The following RORA variants were observed in gnomAD, a reference collection of about 807,000 sequenced individuals.
RORA encodes the protein nuclear receptor ROR-alpha.
RORA carries 7 observed loss-of-function variants against 69.5 expected under a neutral mutation model. The ratio of observed to expected loss-of-function variants is 0.10; its 90% CI spans 0.06 to 0.19. The LOEUF is 0.19. Ranked by LOEUF, RORA falls within the 10% of genes least tolerant of loss-of-function variation. The pLI, the probability that RORA is intolerant of heterozygous loss-of-function variation, is 1.00. For missense variants in RORA, 457 were observed against 663.0 expected (o/e 0.69, Z 3.41); for synonymous variants, 261 against 240.8 (o/e 1.08, Z -0.78).
intron 1 of RORA, among the ~76,000 whole-genome samples, chr15:60,796,920 T>C (rs1352650108): frequency 1.3e-5 from 2 of 151,512 alleles, no homozygotes; most frequent in African/African-American, 4.8e-5. Flanking sequence ...TTATGCTCAG[T>C]GAAAGAAGCC....
At position 60,493,860 on chromosome 15, in the gene RORA, T is replaced by G. The variant is rs1022093206; in HGVS notation, c.*3595A>C. On this transcript the variant is annotated 3_prime_UTR_variant, in exon 11 of 11. Coordinates refer to ENST00000335670, the MANE Select transcript of RORA (RefSeq NM_134261.3). ...TCTTTTTTTCCCCATCTTCTAGTTT[T>G]GATTTAAGTATTTTGAATACATTTT... The G allele has an allele frequency of 6.6e-6, 1 of 152,098 alleles. No individual in the cohort carries two copies. The highest frequency in any genetic ancestry group is 6.6e-5 in the Admixed American group (1 of 15,250). The allele number at this position is 152,098 out of a possible 1,614,324, so 9.4% of individuals were successfully genotyped here.
intron 1 of RORA, among the ~76,000 whole-genome samples, chr15:61,163,798 C>A (rs929550014): frequency 1.3e-5 from 2 of 152,170 alleles, no homozygotes; most frequent in Non-Finnish European, 2.9e-5. Context: ...TCACTGAGAG[C>A]CTTTTACACA....
intron 1 of RORA, among the ~76,000 whole-genome samples, chr15:60,728,663 C>T (rs2071393969): frequency 6.6e-6 from 1 of 152,064 alleles, no homozygotes. Context: ...ACCAGTAAAA[C>T]ACACTAAAAG....
At chr15:60,994,485 C>A (rs1157685569) in intron 1 of RORA, among the ~76,000 whole-genome samples, 2 of 152,202 alleles carry the variant, frequency 1.3e-5, no homozygotes, top group Non-Finnish European at 2.9e-5. Context: ...ACTACCATTT[C>A]ATGAGCCCCA....
At chr15:60,717,664 C>T (rs1362143141) in intron 1 of RORA, among the ~76,000 whole-genome samples, 3 of 152,052 alleles carry the variant, frequency 2.0e-5, no homozygotes, top group African/African-American at 7.2e-5. Context: ...TATTATGTGC[C>T]AGACAATAAA....
intron 1 of RORA, among the ~76,000 whole-genome samples, chr15:61,205,145 T>C (rs2079929178): frequency 6.6e-6 from 1 of 152,098 alleles, no homozygotes. Context: ...GAAGAGTCCA[T>C]GGTAATAATT....
At chr15:61,040,137 TATATATATATATATATATATATATATAAA>T (rs1566958316) in intron 1 of RORA, among the ~76,000 whole-genome samples, 1 of 115,264 alleles carries the variant, frequency 8.7e-6, no homozygotes, top group African/African-American at 3.1e-5. Flanking sequence ...TATATATATA[TATATATATATATATATATATATATATAAA>T]ATATATGAAA....
At chr15:60,597,538 CACACACACACAACA>C (rs2068696399) in intron 2 of RORA, among the ~76,000 whole-genome samples, 1 of 75,014 alleles carries the variant, frequency 1.3e-5, no homozygotes, top group Non-Finnish European at 2.6e-5. Context: ...CACACACACA[CACACACACACAACA>C]TATATATATA....
chr15:61,081,539 G>A (rs1028962229), intron 1 of RORA, among the ~76,000 whole-genome samples: 1 of 152,126 alleles, frequency 6.6e-6, no homozygotes, highest in African/African-American at 2.4e-5. Flanking sequence ...CAGGCATGGT[G>A]GCTCACACCT....
chr15:61,009,915 G>A (rs1222952694), intron 1 of RORA, among the ~76,000 whole-genome samples: 4 of 152,128 alleles, frequency 2.6e-5, no homozygotes, highest in Non-Finnish European at 4.4e-5. Context: ...AGATCTGACT[G>A]CAGCTTGGAA....
At position 61,119,414 on chromosome 15, in the gene RORA, C is replaced by CTA. The variant is rs1555412642; in HGVS notation, c.166+109637_166+109638dup. ...GTATATATATATATATATACACACA[C>CTA]TATATATATATATATACACACACAC... On this transcript the variant is annotated intron_variant, in intron 1 of 10. Coordinates refer to ENST00000335670, the MANE Select transcript of RORA (RefSeq NM_134261.3). 7.6e-4 allele frequency among the ~76,000 whole-genome samples: 109 copies of CTA among 144,156 alleles called. 1 individual carries two copies. The highest frequency in any genetic ancestry group is 3.4e-3 in the East Asian group (17 of 4,968). The allele number at this position is 144,156 out of a possible 152,430, so 94.6% of individuals were successfully genotyped here. A position where few individuals can be genotyped will look rare whatever the true frequency, so the allele number is the denominator to read the frequency against.
intron 1 of RORA, among the ~76,000 whole-genome samples, chr15:61,160,623 T>C (rs2079486515): frequency 6.6e-6 from 1 of 152,168 alleles, no homozygotes; most frequent in Non-Finnish European, 1.5e-5. Context: ...CAGTGCCTGC[T>C]TGATGAAGAA....
intron 3 of RORA, among the ~76,000 whole-genome samples, chr15:60,516,716 G>C (rs1371804820): frequency 6.6e-6 from 1 of 152,010 alleles, no homozygotes; most frequent in Non-Finnish European, 1.5e-5. Context: ...AGGCTTTTAA[G>C]GAATACACGT....
intron 2 of RORA, among the ~76,000 whole-genome samples, chr15:60,551,209 C>T (rs566983777): frequency 4.6e-5 from 7 of 151,904 alleles, no homozygotes; most frequent in East Asian, 1.9e-4. Flanking sequence ...GAGTGAGTAA[C>T]GTCCCTTCCC....
At chr15:60,829,719 T>C (rs1400855832) in intron 1 of RORA, among the ~76,000 whole-genome samples, 1 of 152,222 alleles carries the variant, frequency 6.6e-6, no homozygotes, top group Non-Finnish European at 1.5e-5. Flanking sequence ...GGAAGAAATC[T>C]CACAGAGCAC....
chr15:60,983,619 C>T (rs560489663), intron 1 of RORA, among the ~76,000 whole-genome samples: 38 of 152,306 alleles, frequency 2.5e-4, no homozygotes, highest in African/African-American at 8.2e-4. Flanking sequence ...TTTATCTTAA[C>T]CCAGACACTC....
intron 1 of RORA, among the ~76,000 whole-genome samples, chr15:60,996,860 A>C (rs1455007968): frequency 6.6e-6 from 1 of 152,008 alleles, no homozygotes; most frequent in African/African-American, 2.4e-5. Context: ...CAGTGAGTGG[A>C]GATCACGCCA....
At chr15:61,208,362 TA>T (rs1372063816) in intron 1 of RORA, among the ~76,000 whole-genome samples, 5 of 152,194 alleles carry the variant, frequency 3.3e-5, no homozygotes, top group Admixed American at 2.0e-4. Context: ...AAAATCTATA[TA>T]TAGAGAAAAC....
chr15:60,903,955 T>C (rs1216541132), intron 1 of RORA, among the ~76,000 whole-genome samples: 1 of 152,184 alleles, frequency 6.6e-6, no homozygotes, highest in Non-Finnish European at 1.5e-5. Context: ...CTTGTTTGCT[T>C]TACAAAAATG....
Sources: gnomAD v4.1 joint callset for allele counts (sites outside exome capture counted in the v4.1 genomes callset) on GRCh38, gnomAD v4.1.1 for gene constraint, MANE v1.5 for transcripts, NCBI Gene and HGNC (gene_info 2026-07-23, HGNC 2026-07-21) for gene names.